Variants in RPS6KA5 observed in about 807,000 individuals in gnomAD.
RPS6KA5 encodes the protein ribosomal protein S6 kinase alpha-5.
A neutral mutation model predicts 85.5 loss-of-function variants in RPS6KA5; 27 were observed. The observed-to-expected ratio is 0.32, with a 90% CI of 0.23 to 0.44. The LOEUF is 0.44. RPS6KA5 is among the 20% of genes least tolerant of loss of function. The pLI is 1.00. For synonymous variants in RPS6KA5, 334 were observed against 348.2 expected (o/e 0.96, Z 0.46); for missense variants, 811 against 980.9 (o/e 0.83, Z 2.31).
intron 1 of RPS6KA5, 194 bp downstream of exon 1, chr14:91,060,138 G>C: frequency 1.0e-6 from 1 of 984,658 alleles, no homozygotes; most frequent in Non-Finnish European, 1.2e-6. Flanking sequence ...GAAAACTTTC[G>C]GCCGCCTCCC....
chr14:91,007,755 T>C (rs374326052), intron 1 of RPS6KA5, among the ~76,000 whole-genome samples: 30 of 151,996 alleles, frequency 2.0e-4, no homozygotes, highest in African/African-American at 5.8e-4. Context: ...GAGGTGGTGA[T>C]TGATGTAATT....
intron 8 of RPS6KA5, among the ~76,000 whole-genome samples, chr14:90,903,635 G>A (rs2035316533): frequency 6.6e-6 from 1 of 152,164 alleles, no homozygotes; most frequent in Non-Finnish European, 1.5e-5. Flanking sequence ...GTCACTTACT[G>A]AGTTATATTA....
chr14:90,903,496 A>G (rs1425482857), intron 8 of RPS6KA5, among the ~76,000 whole-genome samples: 1 of 152,220 alleles, frequency 6.6e-6, no homozygotes, highest in African/African-American at 2.4e-5. Context: ...GCATGTGCTT[A>G]TGTCTAGAAG....
Position 90,872,302 on chromosome 14 carries a change from T to C in RPS6KA5, c.2181A>G (p.Arg727=), listed in dbSNP as rs992676327. 2.5e-6 allele frequency: 4 copies of C among 1,611,652 alleles called. No individual in the cohort carries two copies. Among genetic ancestry groups the C allele is most frequent in the South Asian group, 1.1e-5 (1 of 90,818 alleles). The change falls in exon 17 of 17, where the codon AGA becomes AGG. Residue 727 remains arginine, a synonymous_variant. Transcript: ENST00000614987. ...CAACATTCTGAAGGCAAAACCCCTCTCTCTTGTATTTGTTAAAGGCCTGGC... is the reference window on the plus strand; with the variant it reads ...CAACATTCTGAAGGCAAAACCCCTCCCTCTTGTATTTGTTAAAGGCCTGGC... ...ATFHAFNKYK[R]EGFCLQNVDK... is the part of the protein sequence containing the mutation.
At chr14:90,882,754 T>C (rs1041958042) in intron 14 of RPS6KA5, among the ~76,000 whole-genome samples, 18 of 152,114 alleles carry the variant, frequency 1.2e-4, no homozygotes, top group Non-Finnish European at 2.2e-4. Flanking sequence ...CTGCTGATGA[T>C]CTAACTGAAG....
chr14:90,915,732 G>T (rs1225009159), intron 7 of RPS6KA5, among the ~76,000 whole-genome samples: 2 of 151,888 alleles, frequency 1.3e-5, no homozygotes, highest in Non-Finnish European at 2.9e-5. Flanking sequence ...CTTTAACTTG[G>T]GAGGCAGAGG....
chr14:91,004,794 C>T (rs1160566674), intron 1 of RPS6KA5, among the ~76,000 whole-genome samples: 3 of 151,696 alleles, frequency 2.0e-5, no homozygotes, highest in Non-Finnish European at 4.4e-5. Context: ...AGTGAAACCC[C>T]GTCTCTACTA....
chr14:90,902,916 T>C lies in RPS6KA5; in HGVS notation c.1011A>G (p.Pro337=), dbSNP rs770657867. The C allele has an allele frequency of 6.2e-7, 1 of 1,614,064 alleles. No individual in the cohort carries two copies. The highest frequency in any genetic ancestry group is 8.5e-7 in the Non-Finnish European group (1 of 1,179,982). ...AAKKVPAPFK[P]VIRDELDVSN... The stretch of plus-strand genomic sequence containing the variant: ...TCACATCTAATTCATCTCGAATGAC[T>C]GGCTTAAATGGTGCAGGCACTTTTT... The change falls in exon 9 of 17, where the codon CCA becomes CCG. Residue 337 remains proline, a synonymous_variant. Transcript: ENST00000614987.
chr14:90,936,995 C>T lies in RPS6KA5; in HGVS notation c.618+6083G>A, dbSNP rs550514432. On this transcript the variant is annotated intron_variant, in intron 5 of 16. Coordinates refer to ENST00000614987, the MANE Select transcript of RPS6KA5 (RefSeq NM_004755.4). Reference sequence around the variant, plus strand: ...CTTGAGCCCAGAAGAGAAGGTTGGCCAAGAGAAGGCTGGGAATGAGCAGCA... The same window carrying T: ...CTTGAGCCCAGAAGAGAAGGTTGGCTAAGAGAAGGCTGGGAATGAGCAGCA... 2.6e-5 allele frequency among the ~76,000 whole-genome samples: 4 copies of T among 151,644 alleles called. No homozygotes were observed. In the East Asian group the frequency reaches 7.8e-4, roughly 30 times the overall value.
intron 5 of RPS6KA5, among the ~76,000 whole-genome samples, chr14:90,939,390 T>C (rs1446584574): frequency 6.6e-6 from 1 of 152,242 alleles, no homozygotes; most frequent in East Asian, 1.9e-4. Context: ...AACCTCTGCC[T>C]GTTACCCAGT....
At chr14:90,984,626 G>C (rs1443587244) in intron 2 of RPS6KA5, among the ~76,000 whole-genome samples, 1 of 152,164 alleles carries the variant, frequency 6.6e-6, no homozygotes, top group African/African-American at 2.4e-5. Context: ...CTGAACCAAA[G>C]GAAGTGTCAT....
intron 5 of RPS6KA5, among the ~76,000 whole-genome samples, chr14:90,938,123 A>G (rs1322915410): frequency 3.3e-5 from 5 of 152,256 alleles, no homozygotes; most frequent in Non-Finnish European, 5.9e-5. Context: ...CAGCCACTCC[A>G]AATGGGAGAA....
chr14:90,953,113 T>C (rs1166540410), intron 3 of RPS6KA5, among the ~76,000 whole-genome samples: 1 of 152,168 alleles, frequency 6.6e-6, no homozygotes, highest in Non-Finnish European at 1.5e-5. Context: ...TTGCGAGAAA[T>C]CAGGGACCCC....
Position 90,984,238 on chromosome 14 carries a change from A to T in RPS6KA5, c.176-5714T>A, listed in dbSNP as rs572689243. On this transcript the variant is annotated intron_variant, in intron 2 of 16. Coordinates refer to ENST00000614987, the MANE Select transcript of RPS6KA5 (RefSeq NM_004755.4). Reference sequence around the variant, plus strand: ...AGGTTCTACTTTTTGAGACTGAGGGAAAGTACATTCTAAGAACAAATGACA... The same window carrying T: ...AGGTTCTACTTTTTGAGACTGAGGGTAAGTACATTCTAAGAACAAATGACA... Among the ~76,000 whole-genome samples, 9 of 152,340 alleles carry T rather than the reference A, an allele frequency of 5.9e-5. No homozygotes were observed. In the East Asian group the frequency reaches 1.7e-3, roughly 29 times the overall value.
In RPS6KA5 at chr14:90,866,066, A is replaced by G. The variant is rs544839209; in HGVS notation, c.*6008T>C. 8.2e-6 allele frequency: 1 copy of G among 121,366 alleles called. No individual in the cohort carries two copies. The highest frequency in any genetic ancestry group is 1.9e-5 in the Non-Finnish European group (1 of 51,908). 7.5% of individuals were successfully genotyped at this position (121,366 alleles called of 1,614,324 possible). On this transcript the variant is annotated 3_prime_UTR_variant, in exon 17 of 17. Transcript: ENST00000614987. ...TGTAGGTCCACATGCAGATATCTTA[A>G]TAAGTAGTGAAATACCAGTGTAGAA...
intron 3 of RPS6KA5, among the ~76,000 whole-genome samples, chr14:90,962,737 A>C (rs1251034013): frequency 2.6e-5 from 4 of 152,236 alleles, no homozygotes; most frequent in African/African-American, 9.6e-5. Context: ...AACAATACAA[A>C]GAATCCCTAT....
In RPS6KA5 at chr14:90,850,012, C is replaced by A. The variant is rs1004976626; in HGVS notation, c.*22062G>T. The A allele has an allele frequency of 1.3e-5, 2 of 152,202 alleles. No homozygotes were observed. Among genetic ancestry groups the A allele is most frequent in the African/African-American group, 4.8e-5 (2 of 41,436 alleles). 9.4% of individuals were successfully genotyped at this position (152,202 alleles called of 1,614,324 possible). Reference sequence around the variant, plus strand: ...GCCTGGGCAACACTGTGAGACCCCACCTATATTTAAAACAAAGGAATCCCC... The same window carrying A: ...GCCTGGGCAACACTGTGAGACCCCAACTATATTTAAAACAAAGGAATCCCC... On this transcript the variant is annotated 3_prime_UTR_variant, in exon 17 of 17. Coordinates refer to ENST00000614987, the MANE Select transcript of RPS6KA5 (RefSeq NM_004755.4).
Position 90,891,963 on chromosome 14 carries a change from A to G in RPS6KA5, c.1645-1285T>C, listed in dbSNP as rs115689137. Among the ~76,000 whole-genome samples the G allele has an allele frequency of 1.3e-3, 190 of 150,806 alleles. 1 individual carries two copies. The highest frequency in any genetic ancestry group is 4.5e-3 in the African/African-American group (183 of 41,030). On this transcript the variant is annotated intron_variant, in intron 13 of 16. Coordinates refer to ENST00000614987, the MANE Select transcript of RPS6KA5 (RefSeq NM_004755.4). ...TTGGAAATGACCATGTTTATTCTAT[A>G]TTAAGATTGGAAAAGGGCTTCCTTG... is the stretch of plus-strand genomic sequence containing the variant.
At chr14:91,050,405 C>A (rs1449005349) in intron 1 of RPS6KA5, among the ~76,000 whole-genome samples, 2 of 151,886 alleles carry the variant, frequency 1.3e-5, no homozygotes, top group East Asian at 3.9e-4. Flanking sequence ...AAAACAAAAA[C>A]AAAGCATCTT....
Sources: gnomAD v4.1 joint callset for allele counts (sites outside exome capture counted in the v4.1 genomes callset) on GRCh38, gnomAD v4.1.1 for gene constraint, MANE v1.5 for transcripts, NCBI Gene and HGNC (gene_info 2026-07-23, HGNC 2026-07-21) for gene names.